ADAMTS17: variants seen among roughly 807,000 people sequenced by gnomAD.
The protein encoded by ADAMTS17 is ADAM metallopeptidase with thrombospondin type 1 motif 17, also known as A disintegrin and metalloproteinase with thrombospondin motifs 17.
Under a neutral mutation model 141.5 loss-of-function variants are expected in ADAMTS17, and 113 were observed. The ratio of observed to expected loss-of-function variants is 0.80; its 90% confidence interval spans 0.69 to 0.93. ADAMTS17 has a LOEUF of 0.93. Among genes scored for constraint, ADAMTS17 ranks in the 40% least tolerant of loss-of-function variants. ADAMTS17 has a pLI of 0.00. For missense variants in ADAMTS17, 1,659 were observed against 1,517.9 expected (o/e 1.09, Z -1.54); for synonymous variants, 768 against 630.6 (o/e 1.22, Z -3.27).
rs111727023 is a variant in ADAMTS17 at position 100,144,796 on chromosome 15, C to T, written c.1473+7816G>A. On this transcript the variant is annotated intron_variant, in intron 10 of 21. Coordinates refer to ENST00000268070, the MANE Select transcript of ADAMTS17 (RefSeq NM_139057.4). Reference sequence around the variant, plus strand: ...CGCGTGTCGATGAGAAACGCCACCCCCGAGACCAGGGAGGCCTCTCCCTCC... The same window carrying T: ...CGCGTGTCGATGAGAAACGCCACCCTCGAGACCAGGGAGGCCTCTCCCTCC... Among the ~76,000 whole-genome samples the T allele has an allele frequency of 5.3e-5, 8 of 152,060 alleles. No homozygotes were observed. In the East Asian group the frequency reaches 1.2e-3, roughly 22 times the overall value.
chr15:100,068,180 T>G (rs1341682721), intron 15 of ADAMTS17, among the ~76,000 whole-genome samples: 2 of 151,980 alleles, frequency 1.3e-5, no homozygotes, highest in African/African-American at 2.4e-5. Flanking sequence ...GAGATCAAAC[T>G]GCAAGGCGGC....
At chr15:100,008,840 TTTG>T (rs1408025452) in intron 18 of ADAMTS17, among the ~76,000 whole-genome samples, 2 of 152,094 alleles carry the variant, frequency 1.3e-5, no homozygotes. Context: ...GCCGTTTTTG[TTTG>T]TTCGTTTGTT....
intron 8 of ADAMTS17, among the ~76,000 whole-genome samples, chr15:100,172,320 T>C (rs1239598085): frequency 6.6e-6 from 1 of 152,220 alleles, no homozygotes; most frequent in Admixed American, 6.5e-5. Flanking sequence ...TCATGTCTAT[T>C]GTTGGATGCA....
intron 17 of ADAMTS17, among the ~76,000 whole-genome samples, chr15:100,049,489 A>G (rs1438683119): frequency 6.6e-6 from 1 of 152,204 alleles, no homozygotes; most frequent in East Asian, 1.9e-4. Flanking sequence ...CTAGACAGGC[A>G]TTCCAGAGCC....
In ADAMTS17 at chr15:99,971,669, T is replaced by A. The variant is rs1020410350; in HGVS notation, c.*2733A>T. 6.6e-6 allele frequency: 1 copy of A among 152,346 alleles called. No homozygotes were observed. The highest frequency in any genetic ancestry group is 1.9e-4 in the East Asian group (1 of 5,184). 9.4% of individuals were successfully genotyped at this position (152,346 alleles called of 1,614,324 possible). ...TGAAACGAAAAAAGGACAATCGTATTGCCATAGAGGCTCTTTTCCTGCATT... is the reference window on the plus strand; with the variant it reads ...TGAAACGAAAAAAGGACAATCGTATAGCCATAGAGGCTCTTTTCCTGCATT... On this transcript the variant is annotated 3_prime_UTR_variant, in exon 22 of 22. Coordinates refer to ENST00000268070, the MANE Select transcript of ADAMTS17 (RefSeq NM_139057.4).
intron 15 of ADAMTS17, chr15:100,063,841 G>C (rs1456800982): frequency 3.0e-6 from 3 of 997,336 alleles, no homozygotes; most frequent in Non-Finnish European, 4.1e-6. Flanking sequence ...CCAAAATCTA[G>C]CTACCAAGCC....
chr15:100,070,560 A>C (rs968302840), intron 15 of ADAMTS17, among the ~76,000 whole-genome samples: 1 of 150,244 alleles, frequency 6.7e-6, no homozygotes, highest in East Asian at 1.9e-4. Context: ...CCACGGTGCA[A>C]TCAAACTAGA....
Position 100,290,645 on chromosome 15 carries a change from T to C in ADAMTS17, c.617-9244A>G, listed in dbSNP as rs58763332. Among the ~76,000 whole-genome samples the C allele has an allele frequency of 5.9e-3, 898 of 152,232 alleles. 8 individuals carry two copies. The highest frequency in any genetic ancestry group is 0.02 in the Middle Eastern group (6 of 294). ...AGTAACCAAAACAGCATGGCACTTG[T>C]ACAAAAACAGACACATAGACCAATG... On this transcript the variant is annotated intron_variant, in intron 3 of 21. Transcript: ENST00000268070.
At chr15:100,270,643 C>T (rs2043873637) in intron 4 of ADAMTS17, among the ~76,000 whole-genome samples, 1 of 151,510 alleles carries the variant, frequency 6.6e-6, no homozygotes, top group South Asian at 2.1e-4. Context: ...GCATGCGTAC[C>T]AGGCACTGAC....
At chr15:100,019,333 C>G (rs986686538) in intron 18 of ADAMTS17, among the ~76,000 whole-genome samples, 1 of 152,136 alleles carries the variant, frequency 6.6e-6, no homozygotes, top group Non-Finnish European at 1.5e-5. Flanking sequence ...TCAAAAAGGA[C>G]TTCCAACGTA....
intron 10 of ADAMTS17, among the ~76,000 whole-genome samples, chr15:100,140,372 T>A (rs1048442571): frequency 1.3e-5 from 2 of 152,004 alleles, no homozygotes; most frequent in African/African-American, 4.8e-5. Flanking sequence ...GTTACAATTG[T>A]CTTACAACAA....
At chr15:100,320,154 T>G (rs1225340152) in intron 3 of ADAMTS17, among the ~76,000 whole-genome samples, 2 of 152,046 alleles carry the variant, frequency 1.3e-5, no homozygotes, top group Admixed American at 6.6e-5. Context: ...CAGGAAATTC[T>G]CTAGAACAGA....
intron 15 of ADAMTS17, among the ~76,000 whole-genome samples, chr15:100,061,554 G>A (rs2033125811): frequency 6.6e-6 from 1 of 152,184 alleles, no homozygotes; most frequent in South Asian, 2.1e-4. Context: ...GTGAGTGAAA[G>A]GTCCATTTGT....
At chr15:100,317,764 ATGGT>A (rs2045611979) in intron 3 of ADAMTS17, among the ~76,000 whole-genome samples, 1 of 152,210 alleles carries the variant, frequency 6.6e-6, no homozygotes, top group South Asian at 2.1e-4. Context: ...TTCTCATGTT[ATGGT>A]GACAAGGTAG....
chr15:100,086,668 G>C (rs2035122632), intron 15 of ADAMTS17, among the ~76,000 whole-genome samples: 1 of 151,860 alleles, frequency 6.6e-6, no homozygotes, highest in Non-Finnish European at 1.5e-5. Flanking sequence ...AATCAAACTA[G>C]AACTCAGGAT....
chr15:100,319,522 A>G lies in ADAMTS17; in HGVS notation c.616+11367T>C, dbSNP rs60605434. On this transcript the variant is annotated intron_variant, in intron 3 of 21. Coordinates refer to ENST00000268070, the MANE Select transcript of ADAMTS17 (RefSeq NM_139057.4). Reference sequence around the variant, plus strand: ...TCAGGAGTTTGAGAACAGCCTGGCCAACATGGCGAAACCCCGTCTCTACTA... The same window carrying G: ...TCAGGAGTTTGAGAACAGCCTGGCCGACATGGCGAAACCCCGTCTCTACTA... 3.4e-3 allele frequency among the ~76,000 whole-genome samples: 524 copies of G among 152,322 alleles called. 7 individuals carry two copies. The highest frequency in any genetic ancestry group is 0.012 in the African/African-American group (494 of 41,572).
intron 3 of ADAMTS17, among the ~76,000 whole-genome samples, chr15:100,301,133 TACC>T (rs1446678242): frequency 6.6e-6 from 1 of 152,232 alleles, no homozygotes. Flanking sequence ...TTCCCAGTTT[TACC>T]ACCTTTTAAG....
intron 8 of ADAMTS17, 87 bp from the exon 9 acceptor site, chr15:100,155,407 T>C: frequency 1.3e-6 from 2 of 1,551,520 alleles, no homozygotes; most frequent in Non-Finnish European, 1.7e-6. Context: ...CTAAGGTAAA[T>C]CAAGTCTTAA....
At chr15:100,276,686 A>T (rs1307643152) in intron 4 of ADAMTS17, among the ~76,000 whole-genome samples, 1 of 152,056 alleles carries the variant, frequency 6.6e-6, no homozygotes, top group Non-Finnish European at 1.5e-5. Context: ...CCCACAGAAA[A>T]CATGCTCTGG....
Sources: allele counts gnomAD v4.1 joint callset (sites outside exome capture counted in the v4.1 genomes callset), GRCh38; gene constraint gnomAD v4.1.1; transcripts MANE v1.5; gene names NCBI Gene and HGNC (gene_info 2026-07-23, HGNC 2026-07-21).